The following UGT1A8 variants were observed in gnomAD, a reference collection of about 807,000 sequenced individuals.
UGT1A8 encodes UDP-glucuronosyltransferase 1A8.
UGT1A8 carries 39 observed loss-of-function variants against 45.3 expected under a neutral mutation model. That is an observed-to-expected ratio of 0.86 (90% CI 0.67 to 1.12). The LOEUF (loss-of-function observed/expected upper bound fraction) is 1.12. Ranked by LOEUF, UGT1A8 falls within the 50% of genes most tolerant of loss-of-function variation. UGT1A8 has a pLI of 0.00. For synonymous variants in UGT1A8, 275 were observed against 249.2 expected, an observed-to-expected ratio of 1.10 and a Z score of -0.97; for missense variants, 719 against 664.9, an observed-to-expected ratio of 1.08 and a Z score of -0.90.
chr2:233,684,896 A>G (rs950452204), intron 1 of UGT1A8, among the ~76,000 whole-genome samples: 4 of 152,178 alleles, frequency 2.6e-5, no homozygotes, highest in African/African-American at 9.7e-5. Flanking sequence ...TTGGAAAAGT[A>G]TACAGTTTTT....
intron 4 of UGT1A8, chr2:233,770,529 A>G (rs986919893): frequency 6.6e-6 from 1 of 152,118 alleles, no homozygotes; most frequent in Non-Finnish European, 1.5e-5. Flanking sequence ...ATGGTGGTGT[A>G]TGCCTGTAAT....
intron 1 of UGT1A8, chr2:233,693,690 AT>A: frequency 6.2e-7 from 1 of 1,614,250 alleles, no homozygotes; most frequent in Non-Finnish European, 8.5e-7. Context: ...TTTTCAAAGT[AT>A]GAAGAACTCG....
chr2:233,684,281 C>T (rs189905621), intron 1 of UGT1A8, among the ~76,000 whole-genome samples: 12 of 152,316 alleles, frequency 7.9e-5, no homozygotes, highest in African/African-American at 2.2e-4. Flanking sequence ...TGAAACATGA[C>T]TTTCAGCTCT....
At chr2:233,754,446 C>T in intron 1 of UGT1A8, 1 of 350,362 alleles carries the variant, frequency 2.9e-6, no homozygotes, top group Non-Finnish European at 5.6e-6. Context: ...TTTATAAATT[C>T]TTGGGTACAG....
intron 1 of UGT1A8, chr2:233,747,550 G>C: frequency 6.2e-6 from 10 of 1,601,970 alleles, no homozygotes; most frequent in Non-Finnish European, 7.7e-6. Context: ...TTTTCTAAAA[G>C]TATGGCAATT....
Position 233,719,416 on chromosome 2 carries a change from C to T in UGT1A8, c.856-47618C>T, listed in dbSNP as rs538242607. ...TCCTCCTATATTCCTAAGTTACTAA[C>T]GACCAATTCAGACCACATGACATTC... is the stretch of plus-strand genomic sequence containing the variant. On this transcript the variant is annotated intron_variant, in intron 1 of 4. Coordinates refer to ENST00000373450, the MANE Select transcript of UGT1A8 (RefSeq NM_019076.5). The T allele has an allele frequency of 6.1e-5, 98 of 1,613,984 alleles. 1 individual carries two copies. The Admixed American group carries it at 9.0e-4, about 15-fold the overall frequency.
chr2:233,747,892 T>C, intron 1 of UGT1A8: 9 of 1,613,604 alleles, frequency 5.6e-6, no homozygotes, highest in Non-Finnish European at 6.8e-6. Flanking sequence ...TGCCATGCTC[T>C]TTCTGCTCCT....
chr2:233,741,753 A>G (rs1361803894), intron 1 of UGT1A8: 2 of 151,870 alleles, frequency 1.3e-5, no homozygotes, highest in African/African-American at 4.9e-5. Context: ...TTTGTTGGTT[A>G]ATGATGTGTT....
intron 1 of UGT1A8, among the ~76,000 whole-genome samples, chr2:233,753,816 G>A (rs1559398295): frequency 6.6e-6 from 1 of 152,164 alleles, no homozygotes; most frequent in Non-Finnish European, 1.5e-5. Flanking sequence ...GGAGAACCAC[G>A]TTAGGGCTGA....
At chr2:233,646,862 G>C (rs1456503327) in intron 1 of UGT1A8, among the ~76,000 whole-genome samples, 1 of 152,144 alleles carries the variant, frequency 6.6e-6, no homozygotes. Context: ...CACGTTTTCA[G>C]GTATCTTTTC....
chr2:233,719,299 T>C, intron 1 of UGT1A8: 1 of 1,613,974 alleles, frequency 6.2e-7, no homozygotes, highest in East Asian at 2.2e-5. Flanking sequence ...TGTGGGGCGG[T>C]GCTGGCTAAG....
At chr2:233,755,100 G>T (rs920872791) in intron 1 of UGT1A8, 1 of 1,335,078 alleles carries the variant, frequency 7.5e-7, no homozygotes, top group Non-Finnish European at 1.0e-6. Context: ...CTACGCGTCC[G>T]ACAACACCTC....
rs1226545500 is a variant in UGT1A8 at position 233,773,111 on chromosome 2, T to C, written c.*552T>C. On this transcript the variant is annotated 3_prime_UTR_variant, in exon 5 of 5. Transcript: ENST00000373450. ...GCACTGAGAACAGCATATGATTTCT[T>C]GCTTTGGGGAAAAAGAATGATGCTA... The C allele has an allele frequency of 6.4e-6, 1 of 155,166 alleles. No individual in the cohort carries two copies. Among genetic ancestry groups the C allele is most frequent in the Non-Finnish European group, 1.4e-5 (1 of 69,776 alleles). 9.6% of individuals were successfully genotyped at this position (155,166 alleles called of 1,614,324 possible).
chr2:233,680,999 A>G (rs1458336513), intron 1 of UGT1A8, among the ~76,000 whole-genome samples: 2 of 152,074 alleles, frequency 1.3e-5, no homozygotes, highest in African/African-American at 2.4e-5. Flanking sequence ...ATCTCATTAC[A>G]GCATTTCAGA....
chr2:233,702,084 A>T (rs2075668919), intron 1 of UGT1A8, among the ~76,000 whole-genome samples: 1 of 152,172 alleles, frequency 6.6e-6, no homozygotes, highest in African/African-American at 2.4e-5. Context: ...GTATAGTCAC[A>T]GATTTGTACA....
At chr2:233,672,889 T>C in intron 1 of UGT1A8, 1 of 1,513,176 alleles carries the variant, frequency 6.6e-7, no homozygotes, top group East Asian at 2.3e-5. Context: ...ATTTGTTTCA[T>C]TTCAAATTTC....
At chr2:233,693,581 C>T in intron 1 of UGT1A8, 1 of 1,614,212 alleles carries the variant, frequency 6.2e-7, no homozygotes, top group Non-Finnish European at 8.5e-7. Flanking sequence ...GTCCTACATT[C>T]CCAGGTGCTA....
intron 1 of UGT1A8, chr2:233,719,072 G>T (rs148007151): frequency 6.2e-7 from 1 of 1,614,284 alleles, no homozygotes. Context: ...CTGTTCCATG[G>T]ACCCAGAAGG....
chr2:233,640,645 T>C (rs959768162), intron 1 of UGT1A8, among the ~76,000 whole-genome samples: 13 of 152,160 alleles, frequency 8.5e-5, no homozygotes, highest in African/African-American at 2.9e-4. Flanking sequence ...GAACAGTCTC[T>C]TTTTTAGGCT....
Sources: gnomAD v4.1 joint callset for allele counts (sites outside exome capture counted in the v4.1 genomes callset) on GRCh38, gnomAD v4.1.1 for gene constraint, MANE v1.5 for transcripts, NCBI Gene and HGNC (gene_info 2026-07-23, HGNC 2026-07-21) for gene names.